The following PIK3C2G variants were observed in gnomAD, a reference collection of about 807,000 sequenced individuals.
PIK3C2G encodes phosphatidylinositol 3-kinase C2 domain-containing subunit gamma.
Under a neutral mutation model 181.1 loss-of-function variants are expected in PIK3C2G, and 168 were observed. That is an observed-to-expected ratio of 0.93 (90% confidence interval 0.82 to 1.05). The LOEUF (loss-of-function observed/expected upper bound fraction) is 1.05. Ranked by LOEUF, PIK3C2G falls within the 50% of genes least tolerant of loss-of-function variation. PIK3C2G has a pLI of 0.00. For missense variants in PIK3C2G, 1,869 were observed against 1,732.8 expected (o/e 1.08, Z -1.40); for synonymous variants, 573 against 592.2 (o/e 0.97, Z 0.47).
intron 6 of PIK3C2G, among the ~76,000 whole-genome samples, chr12:18,315,343 G>A (rs1168973678): frequency 6.6e-6 from 1 of 151,988 alleles, no homozygotes; most frequent in Non-Finnish European, 1.5e-5. Flanking sequence ...GTTATAAAGT[G>A]CAACTGACCC....
intron 29 of PIK3C2G, among the ~76,000 whole-genome samples, chr12:18,581,714 A>G (rs1946510335): frequency 1.3e-5 from 2 of 152,242 alleles, no homozygotes; most frequent in Non-Finnish European, 2.9e-5. Flanking sequence ...GGATTCATGT[A>G]TCTCAAGTTT....
chr12:18,583,939 C>T (rs1946637382), intron 29 of PIK3C2G, among the ~76,000 whole-genome samples: 1 of 152,046 alleles, frequency 6.6e-6, no homozygotes, highest in African/African-American at 2.4e-5. Flanking sequence ...CTCAGGAGAA[C>T]AGCAAAACCC....
At chr12:18,424,763 G>A (rs1448660113) in intron 18 of PIK3C2G, 1 of 209,144 alleles carries the variant, frequency 4.8e-6, no homozygotes, top group Admixed American at 4.4e-5. Flanking sequence ...GAAGTTCAAG[G>A]ACCTGGATTA....
chr12:18,581,435 C>T (rs913429576), intron 29 of PIK3C2G, among the ~76,000 whole-genome samples: 17 of 152,162 alleles, frequency 1.1e-4, no homozygotes, highest in African/African-American at 3.6e-4. Context: ...AAATCCCAAA[C>T]GTTTATTTAT....
At chr12:18,313,940 T>C in intron 5 of PIK3C2G, 22 bp from the exon 6 acceptor site, 1 of 1,159,232 alleles carries the variant, frequency 8.6e-7, no homozygotes, top group Non-Finnish European at 1.3e-6. Context: ...GATATGATTG[T>C]GTTCATTTTT....
intron 11 of PIK3C2G, among the ~76,000 whole-genome samples, chr12:18,355,109 G>C (rs1471656552): frequency 6.6e-6 from 1 of 152,226 alleles, no homozygotes; most frequent in East Asian, 1.9e-4. Flanking sequence ...GGCTTAATTA[G>C]CAGAAATTGT....
chr12:18,681,916 A>C, the PIK3C2G span, among the ~76,000 whole-genome samples: 1 of 152,068 alleles, frequency 6.6e-6, no homozygotes, highest in Non-Finnish European at 1.5e-5. Flanking sequence ...GGAATTCCAG[A>C]TCTTCAAAAG....
intron 26 of PIK3C2G, among the ~76,000 whole-genome samples, chr12:18,551,054 T>A (rs567350733): frequency 8.6e-4 from 131 of 152,198 alleles, no homozygotes; most frequent in Middle Eastern, 6.8e-3. Context: ...GCATACTGTG[T>A]GGAATTTAAA....
intron 16 of PIK3C2G, among the ~76,000 whole-genome samples, chr12:18,406,076 C>T (rs924507146): frequency 1.3e-5 from 2 of 152,028 alleles, no homozygotes; most frequent in South Asian, 2.1e-4. Context: ...CTTTCCATTC[C>T]GTTTTTATGA....
At chr12:18,707,476 C>T in the PIK3C2G span, among the ~76,000 whole-genome samples, 2 of 152,100 alleles carry the variant, frequency 1.3e-5, no homozygotes, top group Non-Finnish European at 2.9e-5. Context: ...TCTTCCCTGG[C>T]CACATTGAAA....
At chr12:18,588,523 C>A (rs1420147791) in intron 29 of PIK3C2G, among the ~76,000 whole-genome samples, 1 of 152,028 alleles carries the variant, frequency 6.6e-6, no homozygotes. Flanking sequence ...TACAGAAATG[C>A]AAATCAAAAC....
rs757530460 is a variant in PIK3C2G at position 18,325,097 on chromosome 12, AG to A, written c.1272+1del. On this transcript the variant is annotated frameshift_variant and splice_region_variant, in exon 8 of 33. Transcript: ENST00000538779. LOFTEE classifies it high-confidence loss of function. ...DFHLKYLLKT[Q>X]ENVYNIIEEV... Reference sequence around the variant, plus strand: ...CACCTGAAATACCTATTGAAAACCCAGGTATTGACTTTTGTTACTTTATCCA... The same window carrying A: ...CACCTGAAATACCTATTGAAAACCCAGTATTGACTTTTGTTACTTTATCCA... 9 of 1,535,114 alleles carry A rather than the reference AG, an allele frequency of 5.9e-6. No homozygotes were observed. The highest frequency in any genetic ancestry group is 1.7e-4 in the Middle Eastern group (1 of 5,930).
the PIK3C2G span, among the ~76,000 whole-genome samples, chr12:18,705,932 TAAG>T: frequency 2.1e-5 from 3 of 144,426 alleles, no homozygotes; most frequent in South Asian, 2.2e-4. Flanking sequence ...ATAGACCAAT[TAAG>T]AAGAAGGCAG....
At chr12:18,695,995 T>C in the PIK3C2G span, among the ~76,000 whole-genome samples, 8 of 151,992 alleles carry the variant, frequency 5.3e-5, no homozygotes, top group Admixed American at 5.3e-4. Context: ...ACTTCAACTC[T>C]TACAACACAT....
chr12:18,662,741 A>G, the PIK3C2G span, among the ~76,000 whole-genome samples: 1 of 152,144 alleles, frequency 6.6e-6, no homozygotes, highest in Non-Finnish European at 1.5e-5. Flanking sequence ...AAGGAGCAGA[A>G]TCTCATATGT....
At chr12:18,579,541 CTCTG>C (rs1946389264) in intron 29 of PIK3C2G, among the ~76,000 whole-genome samples, 1 of 152,134 alleles carries the variant, frequency 6.6e-6, no homozygotes. Flanking sequence ...CTGTCTGTTC[CTCTG>C]TCTGTCTCTC....
At chr12:18,266,496 A>C (rs562824669) in intron 1 of PIK3C2G, among the ~76,000 whole-genome samples, 1 of 152,148 alleles carries the variant, frequency 6.6e-6, no homozygotes, top group Non-Finnish European at 1.5e-5. Context: ...ATTTAGACCT[A>C]GTCAATGTTA....
chr12:18,580,438 G>A (rs77325016), intron 29 of PIK3C2G, among the ~76,000 whole-genome samples: 3,770 of 152,176 alleles, frequency 0.025, 70 homozygotes, highest in Non-Finnish European at 0.039. Flanking sequence ...TATCTTAATC[G>A]TGAGCATATG....
intron 31 of PIK3C2G, among the ~76,000 whole-genome samples, chr12:18,625,605 A>T (rs73070246): frequency 0.03 from 4,625 of 151,818 alleles, 79 homozygotes; most frequent in Middle Eastern, 0.065. Flanking sequence ...TCTGTCCACT[A>T]GTGAAAGTGA....
Sources: allele counts gnomAD v4.1 joint callset (sites outside exome capture counted in the v4.1 genomes callset), GRCh38; gene constraint gnomAD v4.1.1; transcripts MANE v1.5; gene names NCBI Gene and HGNC (gene_info 2026-07-23, HGNC 2026-07-21).